The following SNX16 variants were observed in gnomAD, a reference collection of about 807,000 sequenced individuals.
SNX16 encodes the protein sorting nexin 16, also known as sorting nexin-16.
SNX16 carries 35 observed loss-of-function variants against 36.7 expected under a neutral mutation model. The ratio of observed to expected loss-of-function variants is 0.95; its 90% CI spans 0.73 to 1.27. SNX16 has a LOEUF of 1.27. SNX16 is among the 50% of genes most tolerant of loss of function. The probability of loss-of-function intolerance (pLI) is 0.00; values close to 1 mark genes in which losing one functional copy is unlikely to be tolerated. For missense variants in SNX16, 367 were observed against 393.6 expected (o/e 0.93, Z 0.57); for synonymous variants, 134 against 132.0 (o/e 1.02, Z -0.10).
chr8:81,802,493 CAA>C lies in SNX16; in HGVS notation c.823_824del (p.Leu275ValfsTer5), dbSNP rs1352635482. The C allele has an allele frequency of 6.2e-7, 1 of 1,605,018 alleles. No homozygotes were observed. Among genetic ancestry groups the C allele is most frequent in the Admixed American group, 1.7e-5 (1 of 58,510 alleles). On this transcript the variant is annotated frameshift_variant, in exon 7 of 8. Coordinates refer to ENST00000345957, the MANE Select transcript of SNX16 (RefSeq NM_152836.3). LOFTEE classifies it high-confidence loss of function. Reference sequence around the variant, plus strand: ...CCAGTGATTCTTCAGGTTCTAAAGACAATGTTCTAAAAGTATGTTATAGCAAC... The same window carrying C: ...CCAGTGATTCTTCAGGTTCTAAAGACTGTTCTAAAAGTATGTTATAGCAAC... The part of the protein sequence containing the change: ...IDTLENRIRT[L>X]SLEPEESLDV...
At chr8:81,804,956 G>A (rs910091526) in intron 5 of SNX16, among the ~76,000 whole-genome samples, 2 of 151,840 alleles carry the variant, frequency 1.3e-5, no homozygotes, top group African/African-American at 4.8e-5. Context: ...ATAACTCTTG[G>A]CAATTAACGG....
intron 2 of SNX16, among the ~76,000 whole-genome samples, chr8:81,834,854 C>CTGT (rs911622152): frequency 1.3e-5 from 2 of 152,218 alleles, no homozygotes. Flanking sequence ...ATGGTGCAAG[C>CTGT]TGTTGGTGGA....
At position 81,801,447 on chromosome 8, in the gene SNX16, C is replaced by G. The variant is rs774042563; in HGVS notation, c.*50G>C. On this transcript the variant is annotated 3_prime_UTR_variant, in exon 8 of 8. Transcript: ENST00000345957. ...TCTTCTTTTAAAATAGTATTTGCCA[C>G]TCTTCTAAATTTTTGAATAGTCTAA... The G allele has an allele frequency of 1.4e-5, 15 of 1,076,244 alleles. No individual in the cohort carries two copies. The highest frequency in any genetic ancestry group is 1.8e-5 in the Non-Finnish European group (13 of 740,360). The allele number at this position is 1,076,244 out of a possible 1,614,324, so 66.7% of individuals were successfully genotyped here.
At chr8:81,805,590 A>C (rs1489339537) in intron 5 of SNX16, among the ~76,000 whole-genome samples, 1 of 152,194 alleles carries the variant, frequency 6.6e-6, no homozygotes, top group Non-Finnish European at 1.5e-5. Context: ...TATATAACTA[A>C]AGATATGTTA....
At position 81,823,834 on chromosome 8, in the gene SNX16, G is replaced by A. The variant is rs200306664; in HGVS notation, c.569C>T (p.Ala190Val). Residue 190 changes from alanine to valine, a missense_variant, in exon 4 of 8, where the codon GCG becomes GTG. Ala to Val is a moderately conservative substitution (Grantham distance 64). Transcript: ENST00000345957. ...GTGAGCTACTAAATTTTGAAGAAAC[G>A]CTTGTAATCCTAATTGTCTGTCTTC... ...FLEDRQLGLQ[A>V]FLQNLVAHKD... The A allele has an allele frequency of 7.9e-5, 127 of 1,610,628 alleles. No individual in the cohort carries two copies. The highest frequency in any genetic ancestry group is 9.4e-5 in the Non-Finnish European group (111 of 1,178,526).
chr8:81,823,588 G>A (rs938621796), intron 4 of SNX16, among the ~76,000 whole-genome samples: 2 of 151,976 alleles, frequency 1.3e-5, no homozygotes, highest in Admixed American at 6.6e-5. Flanking sequence ...TTTAAAATAA[G>A]CTTTGATAAA....
chr8:81,830,154 C>T (rs867083745), intron 2 of SNX16, among the ~76,000 whole-genome samples: 1 of 152,094 alleles, frequency 6.6e-6, no homozygotes, highest in Non-Finnish European at 1.5e-5. Context: ...AACATTCAAG[C>T]TGAGAGCCAA....
intron 5 of SNX16, among the ~76,000 whole-genome samples, chr8:81,811,979 C>T (rs1810276482): frequency 6.6e-6 from 1 of 151,870 alleles, no homozygotes; most frequent in Non-Finnish European, 1.5e-5. Context: ...AGAGAAAGAA[C>T]AGTTAAAAAA....
Position 81,801,499 on chromosome 8 carries a change from A to G in SNX16, c.1033T>C (p.Ter345GlnextTer15), listed in dbSNP as rs150053915. The change falls in exon 8 of 8, where the codon TAA (stop) becomes CAA (glutamine). Residue 345 changes from the stop codon to glutamine, a stop_lost. Transcript: ENST00000345957. ...AEVAYDAEED[*>Q] ...TGGAGGGAACTGCTTGTGATACATT[A>G]GTCTTCTTCAGCATCATATGCCACT... 264 of 1,572,158 alleles carry G rather than the reference A, an allele frequency of 1.7e-4. 1 individual carries two copies. The East Asian group carries it at 5.6e-3, about 33-fold the overall frequency.
Position 81,802,432 on chromosome 8 carries a change from C to A in SNX16, c.886G>T (p.Val296Leu). The change falls in exon 7 of 8, where the codon GTG becomes TTG. Residue 296 changes from valine to leucine, a missense_variant. Val to Leu is a conservative substitution (Grantham distance 32). Coordinates refer to ENST00000345957, the MANE Select transcript of SNX16 (RefSeq NM_152836.3). ...TCAACCTCAAGTGCAGAGGACTCCA[C>A]CTTTAGGATCTGTTCACCTTCTGTT... ...SETEGEQILK[V>L]ESSALEVDQD... is the part of the protein sequence containing the mutation. The A allele has an allele frequency of 6.2e-7, 1 of 1,610,476 alleles. No homozygotes were observed. Among genetic ancestry groups the A allele is most frequent in the East Asian group, 2.2e-5 (1 of 44,670 alleles).
In SNX16 at chr8:81,799,836, A is replaced by T. The variant is rs1809604769; in HGVS notation, c.*1661T>A. ...CAAAGATCTGTTATATAAGATACAGAATGGTACTGATTAAATGATTGTTCT... is the reference window on the plus strand; with the variant it reads ...CAAAGATCTGTTATATAAGATACAGTATGGTACTGATTAAATGATTGTTCT... On this transcript the variant is annotated 3_prime_UTR_variant, in exon 8 of 8. Transcript: ENST00000345957. 6.6e-6 allele frequency: 1 copy of T among 151,910 alleles called. No individual in the cohort carries two copies. Among genetic ancestry groups the T allele is most frequent in the Admixed American group, 6.6e-5 (1 of 15,256 alleles). 9.4% of individuals were successfully genotyped at this position (151,910 alleles called of 1,614,324 possible). A position where few individuals can be genotyped will look rare whatever the true frequency, so the allele number is the denominator to read the frequency against.
intron 3 of SNX16, among the ~76,000 whole-genome samples, chr8:81,828,982 G>C (rs967477427): frequency 2.0e-5 from 3 of 152,104 alleles, no homozygotes; most frequent in Admixed American, 6.5e-5. Flanking sequence ...TAAGTGCCCA[G>C]CCCAGCTAAC....
In SNX16 at chr8:81,811,912, A is replaced by G. The variant is rs147563986; in HGVS notation, c.681+3413T>C. Among the ~76,000 whole-genome samples the G allele has an allele frequency of 2.9e-3, 449 of 152,232 alleles. 2 individuals are homozygous for G. Among genetic ancestry groups the G allele is most frequent in the African/African-American group, 0.01 (434 of 41,550 alleles). ...ACGTACATGAAATAAACTAGAAAAAATTGAATTAATGATAAGGATAATGAT... is the reference window on the plus strand; with the variant it reads ...ACGTACATGAAATAAACTAGAAAAAGTTGAATTAATGATAAGGATAATGAT... On this transcript the variant is annotated intron_variant, in intron 5 of 7. Coordinates refer to ENST00000345957, the MANE Select transcript of SNX16 (RefSeq NM_152836.3).
intron 3 of SNX16, among the ~76,000 whole-genome samples, chr8:81,827,555 T>G (rs116950810): frequency 0.017 from 2,564 of 152,260 alleles, 42 homozygotes; most frequent in Non-Finnish European, 0.028. Flanking sequence ...TAAATAAAAT[T>G]CATATATAAC....
intron 2 of SNX16, among the ~76,000 whole-genome samples, chr8:81,839,179 T>C (rs1403993006): frequency 6.6e-6 from 1 of 152,152 alleles, no homozygotes; most frequent in Non-Finnish European, 1.5e-5. Flanking sequence ...TCTGAAACAC[T>C]GTTCACCAAT....
intron 4 of SNX16, among the ~76,000 whole-genome samples, chr8:81,819,666 C>A: frequency 6.6e-6 from 1 of 152,002 alleles, no homozygotes; most frequent in East Asian, 1.9e-4. Context: ...ATAGTCAAAG[C>A]ATCTTTTAAA....
In SNX16 at chr8:81,804,537, AAAAG is replaced by A. The variant is rs1017244893; in HGVS notation, c.682-1313_682-1310del. ...AGAGAAAAACTCATTAAATAACATG[AAAAG>A]AAAGAAAGGAGTAAAAAAGCATTTT... On this transcript the variant is annotated intron_variant, in intron 5 of 7. Coordinates refer to ENST00000345957, the MANE Select transcript of SNX16 (RefSeq NM_152836.3). Among the ~76,000 whole-genome samples, 13 of 152,194 alleles carry A rather than the reference AAAAG, an allele frequency of 8.5e-5. No individual in the cohort carries two copies. The South Asian group carries it at 2.3e-3, about 27-fold the overall frequency.
At chr8:81,808,464 T>C in intron 5 of SNX16, 3 of 1,029,200 alleles carry the variant, frequency 2.9e-6, no homozygotes, top group Non-Finnish European at 4.5e-6. Context: ...TGCTGACAGC[T>C]GTGGTGGTGG....
intron 4 of SNX16, among the ~76,000 whole-genome samples, chr8:81,819,459 C>T (rs1810635052): frequency 6.6e-6 from 1 of 151,964 alleles, no homozygotes; most frequent in African/African-American, 2.4e-5. Context: ...TTCATCTTTC[C>T]TTGCTGGGCC....
Sources: allele counts gnomAD v4.1 joint callset (sites outside exome capture counted in the v4.1 genomes callset), GRCh38; gene constraint gnomAD v4.1.1; transcripts MANE v1.5; gene names NCBI Gene and HGNC (gene_info 2026-07-23, HGNC 2026-07-21).